Variants in KSR1 observed in about 807,000 individuals in gnomAD.
KSR1 encodes the protein kinase suppressor of ras 1, also known as kinase suppressor of ras.
KSR1 carries 35 observed loss-of-function variants against 92.9 expected under a neutral mutation model. The observed-to-expected ratio is 0.38, with a 90% CI of 0.29 to 0.50. The LOEUF (loss-of-function observed/expected upper bound fraction) is 0.50, where lower values mean the gene tolerates loss of function less well. Ranked by LOEUF, KSR1 falls within the 20% of genes least tolerant of loss-of-function variation. KSR1 has a pLI of 0.94. For missense variants in KSR1, 972 were observed against 1,158.5 expected (o/e 0.84, Z 2.34); for synonymous variants, 467 against 472.6 (o/e 0.99, Z 0.15).
At chr17:27,615,478 T>C (rs536444258) in intron 18 of KSR1, among the ~76,000 whole-genome samples, 1 of 152,368 alleles carries the variant, frequency 6.6e-6, no homozygotes, top group Non-Finnish European at 1.5e-5. Context: ...GTTTTTCCTG[T>C]AGTTTCTAAT....
intron 1 of KSR1, among the ~76,000 whole-genome samples, chr17:27,509,524 C>T (rs989632664): frequency 2.6e-5 from 4 of 151,130 alleles, no homozygotes; most frequent in African/African-American, 9.7e-5. Context: ...CTCCTGACCT[C>T]GTGATCTGCC....
chr17:27,552,151 T>C (rs1018335796), intron 2 of KSR1, among the ~76,000 whole-genome samples: 1 of 152,192 alleles, frequency 6.6e-6, no homozygotes, highest in Non-Finnish European at 1.5e-5. Context: ...GATCATCCCC[T>C]GCCCATCATT....
At chr17:27,581,698 C>G (rs1447794383) in intron 3 of KSR1, among the ~76,000 whole-genome samples, 1 of 152,166 alleles carries the variant, frequency 6.6e-6, no homozygotes, top group Non-Finnish European at 1.5e-5. Context: ...ACAGAGCATA[C>G]ATAGTGTGTT....
In KSR1 at chr17:27,623,845, C is replaced by T; in HGVS notation, c.*453C>T. Reference sequence around the variant, plus strand: ...GGGCGGGGAGCCCAGAAGGTCTGATCTGGCCTCTGCTTTTTGGCCCAAGAC... The same window carrying T: ...GGGCGGGGAGCCCAGAAGGTCTGATTTGGCCTCTGCTTTTTGGCCCAAGAC... On this transcript the variant is annotated 3_prime_UTR_variant, in exon 21 of 21. Transcript: ENST00000644974. 2.0e-6 allele frequency: 1 copy of T among 494,690 alleles called. No homozygotes were observed. Among genetic ancestry groups the T allele is most frequent in the South Asian group, 3.8e-5 (1 of 26,382 alleles). 30.6% of individuals were successfully genotyped at this position (494,690 alleles called of 1,614,324 possible). A position where few individuals can be genotyped will look rare whatever the true frequency, so the allele number is the denominator to read the frequency against.
chr17:27,580,706 G>A (rs1044440693), intron 3 of KSR1, among the ~76,000 whole-genome samples: 9 of 152,170 alleles, frequency 5.9e-5, no homozygotes, highest in Admixed American at 1.3e-4. Context: ...ATTGCGGGAG[G>A]GAGGAGGGAG....
Position 27,608,938 on chromosome 17 carries a change from G to C in KSR1, c.2092-258G>C, listed in dbSNP as rs77131682. ...CTCCTACCTTAGCCAAGGTTAACAT[G>C]GTTGTTTAGAAGCATGGTAACATTA... On this transcript the variant is annotated intron_variant, in intron 15 of 20. Coordinates refer to ENST00000644974, the MANE Select transcript of KSR1 (RefSeq NM_001394583.1). Among the ~76,000 whole-genome samples the C allele has an allele frequency of 7.1e-4, 108 of 152,292 alleles. 2 individuals are homozygous for C. The East Asian group carries it at 0.013, about 18-fold the overall frequency.
intron 18 of KSR1, among the ~76,000 whole-genome samples, chr17:27,615,070 A>T (rs2074021608): frequency 6.6e-6 from 1 of 152,162 alleles, no homozygotes; most frequent in Non-Finnish European, 1.5e-5. Flanking sequence ...GTCCATGCAT[A>T]TGGGAAGACA....
intron 19 of KSR1, among the ~76,000 whole-genome samples, chr17:27,620,859 G>A (rs1355456721): frequency 6.6e-6 from 1 of 152,174 alleles, no homozygotes; most frequent in Non-Finnish European, 1.5e-5. Flanking sequence ...TCATTTCACA[G>A]GCAGGAAACT....
intron 1 of KSR1, among the ~76,000 whole-genome samples, chr17:27,547,968 G>A (rs774252691): frequency 2.1e-4 from 32 of 152,056 alleles, no homozygotes; most frequent in Admixed American, 1.3e-4. Flanking sequence ...CTGCCTTGGC[G>A]TCCCAAAGTG....
chr17:27,524,725 C>T (rs182872612), intron 1 of KSR1, among the ~76,000 whole-genome samples: 2 of 152,266 alleles, frequency 1.3e-5, no homozygotes, highest in East Asian at 3.9e-4. Flanking sequence ...CTTTGGATGT[C>T]CCCAACCCAC....
In KSR1 at chr17:27,577,413, G is replaced by A. The variant is rs2072552141; in HGVS notation, c.373-79G>A. On this transcript the variant is annotated intron_variant, in intron 2 of 20. Transcript: ENST00000644974. This position sits in a 1 kb window ranked among gnomAD's most constrained non-coding sequence, Gnocchi z 4.5. Reference sequence around the variant, plus strand: ...AGCAGCTGGCCCCTGCCACTCAGCAGGAGGCCAGCCTGAGGCTGAGGGGCT... The same window carrying A: ...AGCAGCTGGCCCCTGCCACTCAGCAAGAGGCCAGCCTGAGGCTGAGGGGCT... 1.1e-6 allele frequency: 1 copy of A among 876,950 alleles called. No homozygotes were observed. Among genetic ancestry groups the A allele is most frequent in the Non-Finnish European group, 1.8e-6 (1 of 568,182 alleles). 54.3% of individuals were successfully genotyped at this position (876,950 alleles called of 1,614,324 possible).
intron 3 of KSR1, among the ~76,000 whole-genome samples, chr17:27,581,537 C>T (rs1278936693): frequency 6.6e-6 from 1 of 152,058 alleles, no homozygotes; most frequent in African/African-American, 2.4e-5. Context: ...GCTCCTTCTC[C>T]ACCTTCTTCC....
At chr17:27,586,726 G>A (rs1256779026) in intron 5 of KSR1, among the ~76,000 whole-genome samples, 1 of 152,188 alleles carries the variant, frequency 6.6e-6, no homozygotes, top group Non-Finnish European at 1.5e-5. Context: ...AGATGGAGGC[G>A]GTGCTTGGCA....
At chr17:27,552,586 T>G (rs1284205574) in intron 2 of KSR1, among the ~76,000 whole-genome samples, 1 of 152,176 alleles carries the variant, frequency 6.6e-6, no homozygotes, top group East Asian at 1.9e-4. Flanking sequence ...ATGAGTCACC[T>G]GCCATGAGCC....
chr17:27,526,295 T>C (rs2070294990), intron 1 of KSR1: 3 of 873,960 alleles, frequency 3.4e-6, no homozygotes, highest in Non-Finnish European at 5.2e-6. Context: ...TTTTCCTAGT[T>C]GTCGCTCTGT....
Position 27,582,615 on chromosome 17 carries a change from A to T in KSR1, c.521-31A>T, listed in dbSNP as rs760253857. The T allele has an allele frequency of 1.0e-5, 16 of 1,572,098 alleles. No individual in the cohort carries two copies. In the Admixed American group the frequency reaches 2.7e-4, roughly 27 times the overall value. Reference sequence around the variant, plus strand: ...CCCCTGTGAATTCCTTCCAGCCCTGACCATCTGTGACTCCACGTCTTGGTC... The same window carrying T: ...CCCCTGTGAATTCCTTCCAGCCCTGTCCATCTGTGACTCCACGTCTTGGTC... On this transcript the variant is annotated intron_variant, in intron 3 of 20. Coordinates refer to ENST00000644974, the MANE Select transcript of KSR1 (RefSeq NM_001394583.1).
At position 27,527,396 on chromosome 17, in the gene KSR1, C is replaced by G. The variant is rs1270928985; in HGVS notation, c.232-23172C>G. On this transcript the variant is annotated intron_variant, in intron 1 of 20. Transcript: ENST00000644974. Reference sequence around the variant, plus strand: ...GACACTGCAGTGGCACACCCGCCCCCCCCCCCCCCTTTTTTTTCTTTTTTG... The same window carrying G: ...GACACTGCAGTGGCACACCCGCCCCGCCCCCCCCCTTTTTTTTCTTTTTTG... 1.9e-4 allele frequency among the ~76,000 whole-genome samples: 19 copies of G among 99,798 alleles called. 1 individual carries two copies. Among genetic ancestry groups the G allele is most frequent in the Non-Finnish European group, 3.5e-4 (16 of 45,408 alleles). 65.5% of individuals were successfully genotyped at this position (99,798 alleles called of 152,430 possible).
intron 1 of KSR1, among the ~76,000 whole-genome samples, chr17:27,481,768 TA>T (rs2068518006): frequency 6.6e-6 from 1 of 152,196 alleles, no homozygotes; most frequent in Non-Finnish European, 1.5e-5. Flanking sequence ...ATTTCCCAAG[TA>T]GTGAACATTG....
At chr17:27,546,893 G>C (rs1345951424) in intron 1 of KSR1, among the ~76,000 whole-genome samples, 1 of 152,158 alleles carries the variant, frequency 6.6e-6, no homozygotes, top group African/African-American at 2.4e-5. Flanking sequence ...ACAGCAAGTA[G>C]ACTCAGAGTC....
Sources: allele counts gnomAD v4.1 joint callset (sites outside exome capture counted in the v4.1 genomes callset), GRCh38; gene constraint gnomAD v4.1.1; non-coding constraint Gnocchi (gnomAD v3.1); transcripts MANE v1.5; gene names NCBI Gene and HGNC (gene_info 2026-07-23, HGNC 2026-07-21).